IPMK: variants seen among roughly 807,000 people sequenced by gnomAD.
IPMK encodes inositol polyphosphate multikinase.
A neutral mutation model predicts 45.8 loss-of-function variants in IPMK; 17 were observed. The observed-to-expected ratio is 0.37, with a 90% confidence interval of 0.25 to 0.56. The LOEUF (loss-of-function observed/expected upper bound fraction) is 0.56. IPMK is among the 20% of genes least tolerant of loss of function. The probability of loss-of-function intolerance (pLI) is 0.79; values close to 1 mark genes in which losing one functional copy is unlikely to be tolerated. For synonymous variants in IPMK, 180 were observed against 184.3 expected (o/e 0.98, Z 0.19); for missense variants, 399 against 498.0 (o/e 0.80, Z 1.89).
intron 1 of IPMK, 52 bp downstream of exon 1, chr10:58,267,370 G>C (rs1284281607): frequency 3.8e-6 from 6 of 1,582,244 alleles, no homozygotes; most frequent in Non-Finnish European, 5.2e-6. Context: ...CGCTGACAGG[G>C]GGCTCGCACA....
chr10:58,221,534 A>G (rs1838335908), intron 3 of IPMK, among the ~76,000 whole-genome samples: 1 of 152,098 alleles, frequency 6.6e-6, no homozygotes, highest in Admixed American at 6.6e-5. Context: ...AAAAAAATAT[A>G]ATGAACTAAA....
chr10:58,219,959 GCA>G (rs1467437017), intron 3 of IPMK, among the ~76,000 whole-genome samples: 1 of 152,198 alleles, frequency 6.6e-6, no homozygotes. Flanking sequence ...TCTGTCATTA[GCA>G]TGTCTGCCCA....
At chr10:58,234,764 T>C (rs1239740671) in intron 2 of IPMK, among the ~76,000 whole-genome samples, 2 of 152,138 alleles carry the variant, frequency 1.3e-5, no homozygotes, top group Non-Finnish European at 2.9e-5. Context: ...GGGCAAGGAA[T>C]TCATGACTAA....
At chr10:58,259,240 G>A (rs935713379) in intron 1 of IPMK, among the ~76,000 whole-genome samples, 13 of 152,046 alleles carry the variant, frequency 8.6e-5, no homozygotes, top group Admixed American at 2.0e-4. Flanking sequence ...GAAGAAAAAC[G>A]GCTCATTTCA....
At chr10:58,266,479 G>A (rs1048221981) in intron 1 of IPMK, among the ~76,000 whole-genome samples, 2 of 152,174 alleles carry the variant, frequency 1.3e-5, no homozygotes, top group African/African-American at 4.8e-5. Context: ...TTCTTAACCA[G>A]GGTTGGCCTT....
At chr10:58,199,431 A>G in intron 4 of IPMK, 110 bp from the exon 5 acceptor site, 1 of 597,522 alleles carries the variant, frequency 1.7e-6, no homozygotes, top group Non-Finnish European at 2.7e-6. Context: ...ATTCATTCTA[A>G]TAGATTTGAG....
At chr10:58,257,500 C>A (rs1292721896) in intron 1 of IPMK, among the ~76,000 whole-genome samples, 5 of 148,448 alleles carry the variant, frequency 3.4e-5, no homozygotes, top group Non-Finnish European at 7.4e-5. Flanking sequence ...GTCTCAAAAA[C>A]AAAAATAAAT....
At chr10:58,201,145 A>G (rs1250695755) in intron 4 of IPMK, among the ~76,000 whole-genome samples, 3 of 152,178 alleles carry the variant, frequency 2.0e-5, no homozygotes, top group African/African-American at 7.2e-5. Context: ...ATATCTCTGG[A>G]AGGGTATATA....
In IPMK at chr10:58,263,540, C is replaced by G. The variant is rs997176777; in HGVS notation, c.190+3882G>C. Among the ~76,000 whole-genome samples the G allele has an allele frequency of 1.7e-4, 26 of 150,692 alleles. 1 individual carries two copies. Among genetic ancestry groups the G allele is most frequent in the African/African-American group, 6.4e-4 (26 of 40,808 alleles). ...CTCCGTTAAAAAAAAAAAAAATTAG[C>G]CTGGCCTAGTGGTGTGCACCTATAC... On this transcript the variant is annotated intron_variant, in intron 1 of 5. Transcript: ENST00000373935.
intron 3 of IPMK, among the ~76,000 whole-genome samples, chr10:58,217,691 A>AAAAAAAAAAG (rs1337948692): frequency 6.7e-6 from 1 of 148,762 alleles, no homozygotes; most frequent in African/African-American, 2.5e-5. Flanking sequence ...TCCATCTCAA[A>AAAAAAAAAAG]AAAAAAAAAA....
In IPMK at chr10:58,249,817, T is replaced by C. The variant is rs539671052; in HGVS notation, c.191-12003A>G. Among the ~76,000 whole-genome samples the C allele has an allele frequency of 3.3e-5, 5 of 152,332 alleles. No homozygotes were observed. The South Asian group carries it at 1.0e-3, about 32-fold the overall frequency. On this transcript the variant is annotated intron_variant, in intron 1 of 5. Transcript: ENST00000373935. ...TCTTCAGTATTTTATTCTAGTAGTTTTATGTTTTACATCCAATCCAATCAA... is the reference window on the plus strand; with the variant it reads ...TCTTCAGTATTTTATTCTAGTAGTTCTATGTTTTACATCCAATCCAATCAA...
chr10:58,225,179 A>G, intron 3 of IPMK, among the ~76,000 whole-genome samples: 1 of 152,098 alleles, frequency 6.6e-6, no homozygotes, highest in East Asian at 1.9e-4. Context: ...CTCTCATCTT[A>G]GGAGCACCAA....
At chr10:58,266,108 C>T (rs1839143620) in intron 1 of IPMK, among the ~76,000 whole-genome samples, 2 of 152,274 alleles carry the variant, frequency 1.3e-5, no homozygotes, top group South Asian at 4.1e-4. Flanking sequence ...AACTTGAGGA[C>T]GTTGTTTCTT....
rs1479613227 is a variant in IPMK, at chr10:58,196,706, A to G, written c.629-8T>C. On this transcript the variant is annotated splice_polypyrimidine_tract_variant and splice_region_variant and intron_variant, in intron 5 of 5. Transcript: ENST00000373935. ...GAAAAAATCTGGAGACTCCTATAAA[A>G]AGAAAAATATGAGCGTTATAATCAA... is the stretch of plus-strand genomic sequence containing the variant. The G allele has an allele frequency of 1.3e-6, 2 of 1,527,468 alleles. No individual in the cohort carries two copies. Among genetic ancestry groups the G allele is most frequent in the African/African-American group, 2.8e-5 (2 of 71,528 alleles). 94.6% of individuals were successfully genotyped at this position (1,527,468 alleles called of 1,614,324 possible). A position where few individuals can be genotyped will look rare whatever the true frequency, so the allele number is the denominator to read the frequency against.
At chr10:58,237,580 TA>T in intron 2 of IPMK, 148 bp downstream of exon 2, 1 of 617,214 alleles carries the variant, frequency 1.6e-6, no homozygotes, top group East Asian at 2.7e-5. Flanking sequence ...TCACATACAG[TA>T]AAGATACGCA....
intron 1 of IPMK, among the ~76,000 whole-genome samples, chr10:58,260,227 T>C (rs1377552141): frequency 1.3e-5 from 2 of 152,212 alleles, no homozygotes; most frequent in Admixed American, 1.3e-4. Flanking sequence ...TAAAATGTCA[T>C]ACACCTATAC....
chr10:58,213,942 G>C (rs1438846686), intron 4 of IPMK, among the ~76,000 whole-genome samples: 1 of 152,200 alleles, frequency 6.6e-6, no homozygotes, highest in Non-Finnish European at 1.5e-5. Flanking sequence ...AGCCAGATTA[G>C]AATGAGCCAA....
At chr10:58,209,478 T>A (rs1838124062) in intron 4 of IPMK, among the ~76,000 whole-genome samples, 1 of 152,194 alleles carries the variant, frequency 6.6e-6, no homozygotes, top group South Asian at 2.1e-4. Flanking sequence ...CCCCTGGCGA[T>A]GGGGCTTCCT....
rs1171014801 is a variant in IPMK, at chr10:58,223,543, T to C, written c.373+3500A>G. Among the ~76,000 whole-genome samples, 9 of 152,330 alleles carry C rather than the reference T, an allele frequency of 5.9e-5. 1 individual carries two copies. The South Asian group carries it at 8.3e-4, about 14-fold the overall frequency. ...TGGGTTTCAAATTTCATTAAGGTTT[T>C]CCTCATCCTATCTGGAAAATCTACT... is the stretch of plus-strand genomic sequence containing the variant. On this transcript the variant is annotated intron_variant, in intron 3 of 5. Transcript: ENST00000373935.
Sources: allele counts gnomAD v4.1 joint callset (sites outside exome capture counted in the v4.1 genomes callset), GRCh38; gene constraint gnomAD v4.1.1; transcripts MANE v1.5; gene names NCBI Gene and HGNC (gene_info 2026-07-23, HGNC 2026-07-21).